MYH10: variants seen among roughly 807,000 people sequenced by gnomAD.
MYH10 encodes myosin heavy chain 10.
MYH10 carries 55 observed loss-of-function variants against 257.8 expected under a neutral mutation model. That is an observed-to-expected ratio of 0.21 (90% CI 0.17 to 0.27). The LOEUF (loss-of-function observed/expected upper bound fraction) is 0.27. Ranked by LOEUF, MYH10 falls within the 10% of genes least tolerant of loss-of-function variation. The pLI is 1.00. For missense variants in MYH10, 1,631 were observed against 2,500.6 expected (o/e 0.65, Z 7.42); for synonymous variants, 854 against 921.7 (o/e 0.93, Z 1.33).
At position 8,480,300 on chromosome 17, in the gene MYH10, CG is replaced by C. The variant is rs1913484313; in HGVS notation, c.5406del (p.Glu1803SerfsTer2). Reference sequence around the variant, plus strand: ...GCGGCGCTGCGCTCGGCTGCTAGCTCGGCGTTCAGTGTGTCCACCTAGAGAG... The same window carrying C: ...GCGGCGCTGCGCTCGGCTGCTAGCTCGCGTTCAGTGTGTCCACCTAGAGAG... ...KTTLQVDTLN[A>X]ELAAERSAAQ... On this transcript the variant is annotated frameshift_variant, in exon 40 of 43. Transcript: ENST00000360416. LOFTEE classifies it high-confidence loss of function. The C allele has an allele frequency of 6.2e-7, 1 of 1,613,942 alleles. No individual in the cohort carries two copies. The highest frequency in any genetic ancestry group is 8.5e-7 in the Non-Finnish European group (1 of 1,180,028).
At chr17:8,509,586 A>T (rs1431710004) in intron 25 of MYH10, among the ~76,000 whole-genome samples, 1 of 152,222 alleles carries the variant, frequency 6.6e-6, no homozygotes, top group African/African-American at 2.4e-5. Flanking sequence ...TGCACATGTT[A>T]CAAGTCTAAA....
At chr17:8,555,026 C>T (rs2082745225) in intron 7 of MYH10, among the ~76,000 whole-genome samples, 1 of 151,430 alleles carries the variant, frequency 6.6e-6, no homozygotes, top group Admixed American at 6.6e-5. Flanking sequence ...ATCGCTTGAA[C>T]CCGGGAGGCG....
At chr17:8,593,886 A>G (rs2084263734) in intron 3 of MYH10, among the ~76,000 whole-genome samples, 1 of 152,212 alleles carries the variant, frequency 6.6e-6, no homozygotes, top group African/African-American at 2.4e-5. Context: ...GAATTTTTTA[A>G]AAGAACAGTG....
Position 8,546,619 on chromosome 17 carries a change from C to T in MYH10, c.1203G>A (p.Glu401=). The change falls in exon 12 of 43, where the codon GAG becomes GAA. Residue 401 remains glutamate (E), a synonymous_variant. Transcript: ENST00000360416. ...LCHLLGMNVM[E]FTRAILTPRI... is the part of the protein sequence containing the mutation. ...GGGGAGTCAGGATGGCCCGAGTAAACTCCATCACATTCATCCCAAGAAGAT... is the reference window on the plus strand; with the variant it reads ...GGGGAGTCAGGATGGCCCGAGTAAATTCCATCACATTCATCCCAAGAAGAT... 6.2e-7 allele frequency: 1 copy of T among 1,614,110 alleles called. No individual in the cohort carries two copies. Among genetic ancestry groups the T allele is most frequent in the South Asian group, 1.1e-5 (1 of 91,064 alleles).
At position 8,476,876 on chromosome 17, in the gene MYH10, C is replaced by A; in HGVS notation, c.5879G>T (p.Arg1960Met). The change falls in exon 42 of 43, where the codon AGG (arginine) becomes ATG (methionine). Residue 1960 changes from arginine to methionine, a missense_variant and splice_region_variant. By Grantham distance (91) the Arg-to-Met change is moderately conservative (BLOSUM62 -1). Coordinates refer to ENST00000360416, the MANE Select transcript of MYH10 (RefSeq NM_001256012.3). The part of the protein sequence containing the change: ...REVSTLKNRL[R>M]RGGPISFSSS... ...AGCTCGGGGCCGCATGCCTGCTCAC[C>A]TCAGCCGGTTCTTCAGGGTGCTGAC... 6.2e-7 allele frequency: 1 copy of A among 1,606,590 alleles called. No individual in the cohort carries two copies. The highest frequency in any genetic ancestry group is 8.5e-7 in the Non-Finnish European group (1 of 1,178,570).
rs906082105 is a variant in MYH10, at chr17:8,535,057, G to A, written c.1894+330C>T. On this transcript the variant is annotated intron_variant, in intron 16 of 42. Transcript: ENST00000360416. This position sits in a 1 kb window ranked among gnomAD's most constrained non-coding sequence, Gnocchi z 4.3. Reference sequence around the variant, plus strand: ...GAAAATGGAATGAGCAGGCCTTCTCGGGTTTTGTGTTCCAGTGTTCCTGGA... The same window carrying A: ...GAAAATGGAATGAGCAGGCCTTCTCAGGTTTTGTGTTCCAGTGTTCCTGGA... 4.6e-5 allele frequency among the ~76,000 whole-genome samples: 7 copies of A among 152,264 alleles called. No homozygotes were observed. The highest frequency in any genetic ancestry group is 2.1e-4 in the South Asian group (1 of 4,824).
chr17:8,599,496 T>C (rs1347309502), intron 3 of MYH10, among the ~76,000 whole-genome samples: 1 of 152,170 alleles, frequency 6.6e-6, no homozygotes, highest in Non-Finnish European at 1.5e-5. Context: ...CTGTCTCTCC[T>C]AGATGACTAC....
chr17:8,548,469 T>G lies in MYH10; in HGVS notation c.1064-61A>C, dbSNP rs572039448. On this transcript the variant is annotated intron_variant, in intron 10 of 42. Coordinates refer to ENST00000360416, the MANE Select transcript of MYH10 (RefSeq NM_001256012.3). ...TGCCTCAAAATGTAGCGGAGACATA[T>G]TCTCATTTATTTTGTGCTAAAAATT... 2.7e-5 allele frequency: 38 copies of G among 1,421,206 alleles called. No individual in the cohort carries two copies. The African/African-American group carries it at 5.2e-4, about 19-fold the overall frequency. The allele number at this position is 1,421,206 out of a possible 1,614,324, so 88.0% of individuals were successfully genotyped here. A position where few individuals can be genotyped will look rare whatever the true frequency, so the allele number is the denominator to read the frequency against.
intron 37 of MYH10, among the ~76,000 whole-genome samples, chr17:8,481,798 C>T (rs1913864496): frequency 6.6e-6 from 1 of 152,242 alleles, no homozygotes; most frequent in South Asian, 2.1e-4. Context: ...CCTGAAGTAT[C>T]TTTCACATAA....
chr17:8,482,548 T>C (rs1914014947), intron 37 of MYH10, among the ~76,000 whole-genome samples: 1 of 152,148 alleles, frequency 6.6e-6, no homozygotes, highest in Non-Finnish European at 1.5e-5. Context: ...TATGAAACAC[T>C]CACTGTCCAC....
intron 38 of MYH10, 128 bp from the exon 39 acceptor site, chr17:8,480,653 T>C: frequency 7.9e-7 from 1 of 1,258,824 alleles, no homozygotes; most frequent in Non-Finnish European, 1.1e-6. Flanking sequence ...CTCTTTCCCC[T>C]GCACTCATCC....
chr17:8,597,907 T>G (rs1402959097), intron 3 of MYH10, among the ~76,000 whole-genome samples: 1 of 152,148 alleles, frequency 6.6e-6, no homozygotes, highest in East Asian at 1.9e-4. Flanking sequence ...CGTGACCCAC[T>G]GTGTCCGGCC....
At chr17:8,546,932 A>C (rs1248635510) in intron 11 of MYH10, among the ~76,000 whole-genome samples, 1 of 152,076 alleles carries the variant, frequency 6.6e-6, no homozygotes, top group African/African-American at 2.4e-5. Flanking sequence ...GGTTCTCACT[A>C]TGTTGGCCAG....
chr17:8,528,811 C>T (rs1248345824), intron 17 of MYH10, among the ~76,000 whole-genome samples: 3 of 152,104 alleles, frequency 2.0e-5, no homozygotes, highest in African/African-American at 4.8e-5. Flanking sequence ...AATCCATAAG[C>T]GCATTAAAGA....
intron 2 of MYH10, among the ~76,000 whole-genome samples, chr17:8,606,858 C>A (rs1369030927): frequency 6.6e-6 from 1 of 152,182 alleles, no homozygotes; most frequent in Non-Finnish European, 1.5e-5. Context: ...ACTATAGACT[C>A]CTCAAGTCTT....
At chr17:8,583,938 G>A (rs2083804157) in intron 4 of MYH10, among the ~76,000 whole-genome samples, 1 of 152,152 alleles carries the variant, frequency 6.6e-6, no homozygotes, top group Non-Finnish European at 1.5e-5. Flanking sequence ...CTTTAAAAGG[G>A]GGGTTTAAGA....
rs748283823 is a variant in MYH10, at chr17:8,569,859, CTAATG to C, written c.664-52_664-48del. ...CAAATAAAAGCAGATGTACGTTAAT[CTAATG>C]TCTTTACTCAAGTCATCAGGGGAAA... On this transcript the variant is annotated intron_variant, in intron 6 of 42. Coordinates refer to ENST00000360416, the MANE Select transcript of MYH10 (RefSeq NM_001256012.3). This position sits in a 1 kb window ranked among gnomAD's most constrained non-coding sequence, Gnocchi z 4.1. The C allele has an allele frequency of 1.4e-6, 2 of 1,411,272 alleles. No individual in the cohort carries two copies. Among genetic ancestry groups the C allele is most frequent in the Non-Finnish European group, 2.0e-6 (2 of 1,022,556 alleles). 87.4% of individuals were successfully genotyped at this position (1,411,272 alleles called of 1,614,324 possible).
intron 3 of MYH10, among the ~76,000 whole-genome samples, chr17:8,595,149 C>T (rs2084313775): frequency 1.3e-5 from 2 of 152,170 alleles, no homozygotes; most frequent in African/African-American, 4.8e-5. Context: ...AAGCCACACT[C>T]AAAAGGTTAA....
At chr17:8,564,505 T>C (rs2083098550) in intron 7 of MYH10, among the ~76,000 whole-genome samples, 1 of 152,220 alleles carries the variant, frequency 6.6e-6, no homozygotes, top group South Asian at 2.1e-4. Flanking sequence ...TCTCAGAGGA[T>C]CTAGCATATG....
Sources: allele counts gnomAD v4.1 joint callset (sites outside exome capture counted in the v4.1 genomes callset), GRCh38; gene constraint gnomAD v4.1.1; non-coding constraint Gnocchi (gnomAD v3.1); transcripts MANE v1.5; gene names NCBI Gene and HGNC (gene_info 2026-07-23, HGNC 2026-07-21).